Variants in SMURF2 observed in about 807,000 individuals in gnomAD.
SMURF2 encodes E3 ubiquitin-protein ligase SMURF2.
In SMURF2, 48 loss-of-function variants were observed where a neutral mutation model predicts 109.6. That is an observed-to-expected ratio of 0.44 (90% confidence interval 0.35 to 0.56). SMURF2 has a LOEUF of 0.56. Among genes scored for constraint, SMURF2 ranks in the 20% least tolerant of loss-of-function variants. SMURF2 has a pLI of 0.01. For synonymous variants in SMURF2, 288 were observed against 317.1 expected (o/e 0.91, Z 0.97); for missense variants, 575 against 909.0 (o/e 0.63, Z 4.72).
At chr17:64,599,002 A>C (rs749389668) in intron 2 of SMURF2, among the ~76,000 whole-genome samples, 2 of 152,250 alleles carry the variant, frequency 1.3e-5, no homozygotes, top group Non-Finnish European at 2.9e-5. Context: ...ACTCTGCCTT[A>C]AAAGAGCTTA....
chr17:64,662,214 C>G lies in SMURF2; in HGVS notation c.-334G>C. ...TCTCGTCTCGGCGAGGCCCAGTAGC[C>G]GACGGGGCTGGTCGGCTGAAGCGGG... is the stretch of plus-strand genomic sequence containing the variant. On this transcript the variant is annotated 5_prime_UTR_variant, in exon 1 of 19. Coordinates refer to ENST00000262435, the MANE Select transcript of SMURF2 (RefSeq NM_022739.4). 2 of 1,035,590 alleles carry G rather than the reference C, an allele frequency of 1.9e-6. No individual in the cohort carries two copies. Among genetic ancestry groups the G allele is most frequent in the Non-Finnish European group, 2.3e-6 (2 of 863,272 alleles). The allele number at this position is 1,035,590 out of a possible 1,614,324, so 64.2% of individuals were successfully genotyped here.
At chr17:64,621,951 GCAATAA>G (rs1568199017) in intron 1 of SMURF2, among the ~76,000 whole-genome samples, 1 of 118,632 alleles carries the variant, frequency 8.4e-6, no homozygotes, top group Non-Finnish European at 1.6e-5. Flanking sequence ...AGCCATCATC[GCAATAA>G]TAATAATAAT....
At chr17:64,645,484 T>A (rs538367555) in intron 1 of SMURF2, among the ~76,000 whole-genome samples, 1 of 152,224 alleles carries the variant, frequency 6.6e-6, no homozygotes, top group South Asian at 2.1e-4. Context: ...GCCCATGAGT[T>A]TAAGGCTGCA....
chr17:64,546,619 A>G (rs1345059720), intron 17 of SMURF2, among the ~76,000 whole-genome samples: 2 of 152,220 alleles, frequency 1.3e-5, no homozygotes, highest in Non-Finnish European at 2.9e-5. Flanking sequence ...TAGAAAGTCA[A>G]TATCCCAAAA....
intron 5 of SMURF2, among the ~76,000 whole-genome samples, chr17:64,587,617 AAAG>A (rs1243300539): frequency 8.5e-5 from 13 of 152,172 alleles, no homozygotes; most frequent in Non-Finnish European, 1.5e-4. Context: ...CCCTTCATTC[AAAG>A]AAGGGTCTCA....
intron 2 of SMURF2, among the ~76,000 whole-genome samples, chr17:64,600,908 T>C (rs1422029340): frequency 6.6e-6 from 1 of 152,160 alleles, no homozygotes; most frequent in Non-Finnish European, 1.5e-5. Context: ...AGTTGAAGAA[T>C]TAAGTCTCTC....
chr17:64,609,558 C>G (rs988162998), intron 1 of SMURF2, among the ~76,000 whole-genome samples: 3 of 152,118 alleles, frequency 2.0e-5, no homozygotes, highest in Non-Finnish European at 4.4e-5. Context: ...GTTGGGAAAA[C>G]TGACTAGCCA....
intron 1 of SMURF2, among the ~76,000 whole-genome samples, chr17:64,641,719 C>G (rs1970495492): frequency 6.6e-6 from 1 of 152,114 alleles, no homozygotes; most frequent in Non-Finnish European, 1.5e-5. Context: ...AGCCACCCCC[C>G]AGCAATTCCA....
chr17:64,546,383 A>C (rs782080408), intron 17 of SMURF2, 45 bp from the exon 18 acceptor site: 1 of 1,546,692 alleles, frequency 6.5e-7, no homozygotes, highest in Admixed American at 1.7e-5. Context: ...AGGTGCGTGC[A>C]TTAGTCTCCA....
chr17:64,559,183 A>C (rs1969172016), intron 12 of SMURF2, among the ~76,000 whole-genome samples: 1 of 152,332 alleles, frequency 6.6e-6, no homozygotes, highest in East Asian at 1.9e-4. Flanking sequence ...TATTTAGAAC[A>C]CAAATAAGAG....
chr17:64,598,402 C>T lies in SMURF2; in HGVS notation c.180G>A (p.Lys60=), dbSNP rs781913286. ...TDTVKNTLDP[K]WNQHYDLYIG... ...CCTACAGGTCATAATGCTGATTCCA[C>T]TTTGGATCAAGCGTATTCTTCACAG... Residue 60 remains lysine (K), a synonymous_variant, in exon 3 of 19, where the codon AAG becomes AAA. Transcript: ENST00000262435. 3 of 1,605,860 alleles carry T rather than the reference C, an allele frequency of 1.9e-6. No individual in the cohort carries two copies. The highest frequency in any genetic ancestry group is 1.3e-5 in the African/African-American group (1 of 74,812).
intron 1 of SMURF2, among the ~76,000 whole-genome samples, chr17:64,630,591 T>C (rs1970324652): frequency 6.6e-6 from 1 of 152,156 alleles, no homozygotes; most frequent in South Asian, 2.1e-4. Flanking sequence ...TTAAAGGCTC[T>C]ACTGGGGACA....
At chr17:64,601,716 A>G (rs1314168954) in intron 2 of SMURF2, among the ~76,000 whole-genome samples, 1 of 152,062 alleles carries the variant, frequency 6.6e-6, no homozygotes, top group Admixed American at 6.6e-5. Context: ...CCAGAGGGAA[A>G]GAAGTCATTA....
At chr17:64,605,462 C>T (rs781878001) in intron 2 of SMURF2, among the ~76,000 whole-genome samples, 1 of 151,750 alleles carries the variant, frequency 6.6e-6, no homozygotes, top group Non-Finnish European at 1.5e-5. Context: ...GTGGCTCACA[C>T]CTGTAATCCC....
rs575623663 is a variant in SMURF2 at position 64,570,081 on chromosome 17, G to A, written c.1016+1717C>T. On this transcript the variant is annotated intron_variant, in intron 10 of 18. Coordinates refer to ENST00000262435, the MANE Select transcript of SMURF2 (RefSeq NM_022739.4). ...CTGCCAGGATAATTATACATATTTC[G>A]AAGAAGGAACCAAAGATACACATTT... Among the ~76,000 whole-genome samples, 6 of 152,216 alleles carry A rather than the reference G, an allele frequency of 3.9e-5. No individual in the cohort carries two copies. In the South Asian group the frequency reaches 1.0e-3, roughly 26 times the overall value.
intron 1 of SMURF2, among the ~76,000 whole-genome samples, chr17:64,610,290 A>G (rs1417453309): frequency 7.2e-5 from 11 of 152,194 alleles, no homozygotes; most frequent in African/African-American, 2.4e-4. Context: ...TCATTCTACT[A>G]TAAAGACATA....
rs574537270 is a variant in SMURF2, at chr17:64,645,033, G to C, written c.52+16796C>G. Among the ~76,000 whole-genome samples, 10 of 151,800 alleles carry C rather than the reference G, an allele frequency of 6.6e-5. No homozygotes were observed. In the East Asian group the frequency reaches 1.7e-3, roughly 26 times the overall value. On this transcript the variant is annotated intron_variant, in intron 1 of 18. Transcript: ENST00000262435. ...AAAAAAAAAAACAAAACAAAGTGCT[G>C]AGTAGATTCGACAGGAAGACTAGGT... is the stretch of plus-strand genomic sequence containing the variant.
At chr17:64,566,561 G>GTTTTTTTTGTTTTT (rs1969306621) in intron 10 of SMURF2, among the ~76,000 whole-genome samples, 1 of 43,784 alleles carries the variant, frequency 2.3e-5, no homozygotes. Flanking sequence ...AAGCTTTCTG[G>GTTTTTTTTGTTTTT]TTTTTTTTTT....
At chr17:64,576,669 CATTA>C (rs1484935585) in intron 9 of SMURF2, among the ~76,000 whole-genome samples, 15 of 151,778 alleles carry the variant, frequency 9.9e-5, no homozygotes, top group African/African-American at 3.4e-4. Context: ...ATCTCAAAAA[CATTA>C]ATTAATTAAT....
Sources: allele counts gnomAD v4.1 joint callset (sites outside exome capture counted in the v4.1 genomes callset), GRCh38; gene constraint gnomAD v4.1.1; transcripts MANE v1.5; gene names NCBI Gene and HGNC (gene_info 2026-07-23, HGNC 2026-07-21).